The following ADAMTS15 variants were observed in gnomAD, a reference collection of about 807,000 sequenced individuals.
ADAMTS15 encodes the protein A disintegrin and metalloproteinase with thrombospondin motifs 15.
In ADAMTS15, 35 loss-of-function variants were observed where a neutral mutation model predicts 79.1. That is an observed-to-expected ratio of 0.44 (90% CI 0.34 to 0.59). The LOEUF is 0.59. ADAMTS15 is among the 20% of genes least tolerant of loss of function. ADAMTS15 has a pLI of 0.02. For missense variants in ADAMTS15, 1,324 were observed against 1,318.7 expected (o/e 1.00, Z -0.06); for synonymous variants, 616 against 567.3 (o/e 1.09, Z -1.22).
rs1463133011 is a variant in ADAMTS15, at chr11:130,449,736, C to T, written c.763C>T (p.His255Tyr). 3.7e-6 allele frequency: 6 copies of T among 1,612,648 alleles called. No individual in the cohort carries two copies. Among genetic ancestry groups the T allele is most frequent in the South Asian group, 1.1e-5 (1 of 90,994 alleles). Residue 255 changes from histidine (H) to tyrosine (Y), a missense_variant, in exon 1 of 8, where the codon CAT becomes TAT. By Grantham distance (83) the His-to-Tyr change is moderately conservative. Transcript: ENST00000299164. This position sits in a 1 kb window ranked among gnomAD's most constrained non-coding sequence, Gnocchi z 7.8. ...LLATAARLYR[H>Y]PSILNPINIV... Reference sequence around the variant, plus strand: ...GGCAACGGCGGCGCGACTCTACCGCCATCCCAGCATCCTCAACCCCATCAA... The same window carrying T: ...GGCAACGGCGGCGCGACTCTACCGCTATCCCAGCATCCTCAACCCCATCAA...
intron 1 of ADAMTS15, among the ~76,000 whole-genome samples, chr11:130,461,025 A>G (rs1474901526): frequency 6.6e-6 from 1 of 152,114 alleles, no homozygotes; most frequent in Non-Finnish European, 1.5e-5. Flanking sequence ...AACTTAATTC[A>G]TGGTTGGCCA....
chr11:130,465,961 C>T (rs1401700058), intron 4 of ADAMTS15, among the ~76,000 whole-genome samples: 2 of 151,884 alleles, frequency 1.3e-5, no homozygotes, highest in Non-Finnish European at 2.9e-5. Context: ...CAACCTCCAC[C>T]TCCCGGGTTC....
At chr11:130,469,540 T>C (rs1938379244) in intron 5 of ADAMTS15, 101 bp downstream of exon 5, 1 of 939,614 alleles carries the variant, frequency 1.1e-6, no homozygotes, top group African/African-American at 1.7e-5. Context: ...CTCCAGGTAA[T>C]TGGGTACACA....
At chr11:130,464,416 G>T (rs1938261921) in intron 4 of ADAMTS15, among the ~76,000 whole-genome samples, 1 of 152,134 alleles carries the variant, frequency 6.6e-6, no homozygotes, top group Non-Finnish European at 1.5e-5. Context: ...GCTGAGGTCA[G>T]ATCATAAAGC....
rs760794447 is a variant in ADAMTS15, at chr11:130,473,293, C to T, written c.2325C>T (p.Ile775=). The T allele has an allele frequency of 6.2e-7, 1 of 1,613,160 alleles. No individual in the cohort carries two copies. Among genetic ancestry groups the T allele is most frequent in the Non-Finnish European group, 8.5e-7 (1 of 1,179,986 alleles). Reference sequence around the variant, plus strand: ...AGAGCCTGCAGGCTTCCCGGCCCATCCTGGAGCCGCTGACCGTGGAGGTCC... The same window carrying T: ...AGAGCCTGCAGGCTTCCCGGCCCATTCTGGAGCCGCTGACCGTGGAGGTCC... ...AVESLQASRP[I]LEPLTVEVLS... is the part of the protein sequence containing the mutation. Residue 775 remains isoleucine (I), a synonymous_variant, in exon 8 of 8, where the codon ATC becomes ATT. Coordinates refer to ENST00000299164, the MANE Select transcript of ADAMTS15 (RefSeq NM_139055.4).
In ADAMTS15 at chr11:130,473,207, G is replaced by C. The variant is rs997886650; in HGVS notation, c.2239G>C (p.Glu747Gln). 1 of 1,613,914 alleles carries C rather than the reference G, an allele frequency of 6.2e-7. No individual in the cohort carries two copies. The highest frequency in any genetic ancestry group is 8.5e-7 in the Non-Finnish European group (1 of 1,180,060). The change falls in exon 8 of 8, where the codon GAG becomes CAG. Residue 747 changes from glutamate (E) to glutamine (Q), a missense_variant. Physicochemically the swap from Glu to Gln is conservative, Grantham distance 29. Transcript: ENST00000299164. ...CGGGCATTTCGTGGTGTCGGCGGTG[G>C]AGCGGGACCTGGTGGTGAAGGGCAG... ...LNGHFVVSAV[E>Q]RDLVVKGSLL...
In ADAMTS15 at chr11:130,470,163, T is replaced by TAC. The variant is rs1364198407; in HGVS notation, c.1720+725_1720+726insCA. On this transcript the variant is annotated intron_variant, in intron 5 of 7. Coordinates refer to ENST00000299164, the MANE Select transcript of ADAMTS15 (RefSeq NM_139055.4). ...ATATATATATATATGTGTATATATA[T>TAC]ATATATATATATATATATGTGTGTA... Among the ~76,000 whole-genome samples, 13 of 55,062 alleles carry TAC rather than the reference T, an allele frequency of 2.4e-4. 1 individual carries two copies. The highest frequency in any genetic ancestry group is 9.9e-4 in the African/African-American group (9 of 9,116). The allele number at this position is 55,062 out of a possible 152,430, so 36.1% of individuals were successfully genotyped here.
At chr11:130,471,495 C>A in intron 7 of ADAMTS15, 112 bp downstream of exon 7, 2 of 1,284,686 alleles carry the variant, frequency 1.6e-6, no homozygotes, top group South Asian at 1.6e-5. Flanking sequence ...CCAGCCAGTA[C>A]CCTTGCTGCA....
intron 4 of ADAMTS15, among the ~76,000 whole-genome samples, chr11:130,466,518 C>G (rs970726531): frequency 1.3e-5 from 2 of 152,208 alleles, no homozygotes; most frequent in Non-Finnish European, 2.9e-5. Flanking sequence ...CACCCTGTAT[C>G]TCCACGTCCC....
intron 1 of ADAMTS15, 109 bp from the exon 2 acceptor site, chr11:130,461,380 G>A (rs1592146474): frequency 6.7e-7 from 1 of 1,497,480 alleles, no homozygotes; most frequent in Non-Finnish European, 9.1e-7. Flanking sequence ...TGGTGAGGTT[G>A]GAATGAGATG....
In ADAMTS15 at chr11:130,449,192, G is replaced by C. The variant is rs752882072; in HGVS notation, c.219G>C (p.Gln73His). The change falls in exon 1 of 8, where the codon CAG (glutamine) becomes CAC (histidine). Residue 73 changes from glutamine (Q) to histidine (H), a missense_variant. By Grantham distance (24) the Gln-to-His change is conservative (BLOSUM62 0). Coordinates refer to ENST00000299164, the MANE Select transcript of ADAMTS15 (RefSeq NM_139055.4). This position sits in a 1 kb window ranked among gnomAD's most constrained non-coding sequence, Gnocchi z 7.8. The part of the protein sequence containing the change: ...DFYLHLTPDA[Q>H]FLAPAFSTEH... The stretch of plus-strand genomic sequence containing the variant: ...ACCTACACCTGACGCCGGATGCTCA[G>C]TTCTTGGCTCCCGCCTTCTCCACTG... The C allele has an allele frequency of 1.2e-6, 2 of 1,613,960 alleles. No individual in the cohort carries two copies. The highest frequency in any genetic ancestry group is 1.7e-6 in the Non-Finnish European group (2 of 1,179,862).
Position 130,462,932 on chromosome 11 carries a change from G to A in ADAMTS15, c.1542+152G>A, listed in dbSNP as rs759697911. ...TGCATGGCTGAGCTGTGCCTTCACTGCCCTGTATATAGTCCTATCCCCTTC... is the reference window on the plus strand; with the variant it reads ...TGCATGGCTGAGCTGTGCCTTCACTACCCTGTATATAGTCCTATCCCCTTC... On this transcript the variant is annotated intron_variant, in intron 4 of 7. Transcript: ENST00000299164. The surrounding 1 kb of genome is among the most constrained non-coding windows in gnomAD (Gnocchi z 4.3). 50 of 1,051,576 alleles carry A rather than the reference G, an allele frequency of 4.8e-5. No individual in the cohort carries two copies. Among genetic ancestry groups the A allele is most frequent in the Non-Finnish European group, 6.3e-5 (46 of 735,138 alleles). The allele number at this position is 1,051,576 out of a possible 1,614,324, so 65.1% of individuals were successfully genotyped here. A position where few individuals can be genotyped will look rare whatever the true frequency, so the allele number is the denominator to read the frequency against.
chr11:130,454,478 A>G (rs1485550307), intron 1 of ADAMTS15, among the ~76,000 whole-genome samples: 1 of 152,250 alleles, frequency 6.6e-6, no homozygotes. Context: ...TGTTCAGATA[A>G]AAATAGTTAA....
intron 1 of ADAMTS15, among the ~76,000 whole-genome samples, chr11:130,460,767 C>T (rs1186818615): frequency 2.0e-5 from 3 of 152,192 alleles, no homozygotes; most frequent in Non-Finnish European, 4.4e-5. Context: ...GGGTTTTCTG[C>T]TGGAGGCCCT....
chr11:130,449,708 G>A lies in ADAMTS15; in HGVS notation c.735G>A (p.Leu245=). 2 of 1,611,198 alleles carry A rather than the reference G, an allele frequency of 1.2e-6. No homozygotes were observed. The highest frequency in any genetic ancestry group is 2.2e-5 in the East Asian group (1 of 44,824). ...ACCTGGAACATTATCTGCTGACGCTGCTGGCAACGGCGGCGCGACTCTACC... is the reference window on the plus strand; with the variant it reads ...ACCTGGAACATTATCTGCTGACGCTACTGGCAACGGCGGCGCGACTCTACC... ...GADLEHYLLT[L]LATAARLYRH... Residue 245 remains leucine, a synonymous_variant, in exon 1 of 8, where the codon CTG becomes CTA. Transcript: ENST00000299164. This position sits in a 1 kb window ranked among gnomAD's most constrained non-coding sequence, Gnocchi z 7.8.
At chr11:130,455,416 C>G (rs1938056075) in intron 1 of ADAMTS15, among the ~76,000 whole-genome samples, 1 of 152,208 alleles carries the variant, frequency 6.6e-6, no homozygotes, top group Admixed American at 6.5e-5. Flanking sequence ...GCTAATCCCA[C>G]TGATCTGTAA....
intron 4 of ADAMTS15, among the ~76,000 whole-genome samples, chr11:130,466,250 C>T (rs557975321): frequency 1.6e-4 from 24 of 152,312 alleles, no homozygotes; most frequent in South Asian, 8.3e-4. Flanking sequence ...TCAATCTCTT[C>T]GCTGATTCAT....
intron 1 of ADAMTS15, among the ~76,000 whole-genome samples, chr11:130,455,177 G>T (rs944538458): frequency 6.6e-6 from 1 of 152,192 alleles, no homozygotes; most frequent in African/African-American, 2.4e-5. Context: ...GCACAGATAA[G>T]TGTTACTGAG....
chr11:130,462,763 A>G lies in ADAMTS15; in HGVS notation c.1525A>G (p.Asn509Asp). The stretch of plus-strand genomic sequence containing the variant: ...CAAAGGGGCCTGCGTGGAGAGACAC[A>G]ACCTCAACAAGCACAGGGTGAGTGA... ...CLKGACVERHNLNKHRVDGSW... is the reference protein window; with the variant it reads ...CLKGACVERHDLNKHRVDGSW... The change falls in exon 4 of 8, where the codon AAC becomes GAC. Residue 509 changes from asparagine (N) to aspartate (D), a missense_variant. Coordinates refer to ENST00000299164, the MANE Select transcript of ADAMTS15 (RefSeq NM_139055.4). This position sits in a 1 kb window ranked among gnomAD's most constrained non-coding sequence, Gnocchi z 4.3. 6.3e-7 allele frequency: 1 copy of G among 1,593,870 alleles called. No individual in the cohort carries two copies. The highest frequency in any genetic ancestry group is 8.6e-7 in the Non-Finnish European group (1 of 1,164,248).
Sources: allele counts gnomAD v4.1 joint callset (sites outside exome capture counted in the v4.1 genomes callset), GRCh38; gene constraint gnomAD v4.1.1; non-coding constraint Gnocchi (gnomAD v3.1); transcripts MANE v1.5; gene names NCBI Gene and HGNC (gene_info 2026-07-23, HGNC 2026-07-21).